Variants in AP4E1 observed in about 807,000 individuals in gnomAD.
AP4E1 encodes AP-4 complex subunit epsilon-1.
A neutral mutation model predicts 128.2 loss-of-function variants in AP4E1; 56 were observed. The ratio of observed to expected loss-of-function variants is 0.44; its 90% CI spans 0.35 to 0.55. The LOEUF is 0.55. AP4E1 is among the 20% of genes least tolerant of loss of function. The pLI is 0.00. For missense variants in AP4E1, 1,324 were observed against 1,307.7 expected, an observed-to-expected ratio of 1.01 and a Z score of -0.19; for synonymous variants, 484 against 473.1, an observed-to-expected ratio of 1.02 and a Z score of -0.30.
chr15:50,945,871 A>T (rs2140853364), intron 10 of AP4E1: 1 of 885,324 alleles, frequency 1.1e-6, no homozygotes, highest in Admixed American at 1.8e-5. Context: ...CTACAGCCAG[A>T]TTCAGGAACA....
chr15:50,911,726 C>T (rs1044516448), intron 1 of AP4E1, among the ~76,000 whole-genome samples: 3 of 152,110 alleles, frequency 2.0e-5, no homozygotes, highest in Non-Finnish European at 4.4e-5. Flanking sequence ...GATTCACTCG[C>T]CTTGGCCTCC....
At chr15:50,988,503 A>G (rs1442342483) in intron 16 of AP4E1, among the ~76,000 whole-genome samples, 2 of 152,010 alleles carry the variant, frequency 1.3e-5, no homozygotes, top group South Asian at 2.1e-4. Context: ...TTTAGTAGAG[A>G]TGGGTTTCAC....
intron 14 of AP4E1, among the ~76,000 whole-genome samples, chr15:50,960,828 A>G (rs2064302889): frequency 6.6e-6 from 1 of 152,034 alleles, no homozygotes; most frequent in South Asian, 2.1e-4. Flanking sequence ...ACAAAAAAAA[A>G]AGAGACAAAA....
chr15:50,938,039 GT>G (rs1263325711), intron 8 of AP4E1, among the ~76,000 whole-genome samples: 1 of 151,872 alleles, frequency 6.6e-6, no homozygotes, highest in African/African-American at 2.4e-5. Context: ...GTACTTTTCC[GT>G]TTTTTTTCTC....
intron 8 of AP4E1, 24 bp downstream of exon 8, chr15:50,934,721 CT>C: frequency 2.8e-6 from 4 of 1,447,452 alleles, no homozygotes; most frequent in African/African-American, 1.4e-5. Context: ...GTAAATATTA[CT>C]CTAATGACTA....
chr15:50,999,808 C>T (rs1015681433), intron 19 of AP4E1, among the ~76,000 whole-genome samples: 22 of 151,456 alleles, frequency 1.5e-4, no homozygotes, highest in Non-Finnish European at 2.9e-5. Context: ...CCCATTAACT[C>T]GTCATTTGGC....
At chr15:50,990,987 C>T (rs1005791148) in intron 16 of AP4E1, among the ~76,000 whole-genome samples, 6 of 152,108 alleles carry the variant, frequency 3.9e-5, no homozygotes, top group Non-Finnish European at 5.9e-5. Flanking sequence ...AATGCATTGC[C>T]GGTGACAACC....
chr15:51,002,004 G>A (rs74425710), intron 20 of AP4E1, among the ~76,000 whole-genome samples: 2,603 of 152,010 alleles, frequency 0.017, 93 homozygotes, highest in African/African-American at 0.06. Flanking sequence ...TCAGCCTCCC[G>A]AGTAGCTAGG....
rs2064343364 is a variant in AP4E1, at chr15:50,963,455, G to T, written c.1851+4661G>T. Among the ~76,000 whole-genome samples the T allele has an allele frequency of 2.6e-5, 4 of 152,144 alleles. No individual in the cohort carries two copies. In the South Asian group the frequency reaches 8.3e-4, roughly 31 times the overall value. On this transcript the variant is annotated intron_variant, in intron 14 of 20. Transcript: ENST00000261842. ...ACATAGATGGGACTTATTTCACTATGAAGTAAAATAAGCATGGCACAGAAA... is the reference window on the plus strand; with the variant it reads ...ACATAGATGGGACTTATTTCACTATTAAGTAAAATAAGCATGGCACAGAAA...
intron 3 of AP4E1, among the ~76,000 whole-genome samples, chr15:50,921,582 T>G (rs1403117295): frequency 6.6e-6 from 1 of 152,016 alleles, no homozygotes; most frequent in Non-Finnish European, 1.5e-5. Context: ...AACTCCTGAC[T>G]TCGAGTGATC....
intron 7 of AP4E1, among the ~76,000 whole-genome samples, chr15:50,932,380 A>G (rs934082984): frequency 6.6e-6 from 1 of 152,112 alleles, no homozygotes; most frequent in African/African-American, 2.4e-5. Context: ...ATTTATTTTC[A>G]TTTGTTCTAT....
At chr15:50,973,842 G>A (rs67889301) in intron 15 of AP4E1, among the ~76,000 whole-genome samples, 31,729 of 151,986 alleles carry the variant, frequency 0.21, 3,869 homozygotes, top group East Asian at 0.45. Context: ...TTGTTTTCAC[G>A]TCTTGGTTAT....
chr15:51,000,120 A>G (rs1242009727), intron 19 of AP4E1, among the ~76,000 whole-genome samples: 3 of 149,050 alleles, frequency 2.0e-5, no homozygotes, highest in African/African-American at 4.9e-5. Flanking sequence ...TTACAATACA[A>G]TGCTCTCGTT....
At position 50,988,149 on chromosome 15, in the gene AP4E1, C is replaced by T. The variant is rs1296336774; in HGVS notation, c.2090+4004C>T. 2.0e-5 allele frequency among the ~76,000 whole-genome samples: 3 copies of T among 152,026 alleles called. No homozygotes were observed. The East Asian group carries it at 5.8e-4, about 29-fold the overall frequency. On this transcript the variant is annotated intron_variant, in intron 16 of 20. Transcript: ENST00000261842. ...CCTGAGGAAGCCATATAGTTGGTCA[C>T]CCAGTGAAGGCCAGATGCCCCTAAA...
chr15:50,930,954 A>G lies in AP4E1; in HGVS notation c.852A>G (p.Leu284=), dbSNP rs114575519. The change falls in exon 7 of 21, where the codon CTA becomes CTG. Residue 284 remains leucine (L), a synonymous_variant. Coordinates refer to ENST00000261842, the MANE Select transcript of AP4E1 (RefSeq NM_007347.5). Reference sequence around the variant, plus strand: ...AGCTCTTGAGAATACTGGGACTTCTAGGAAAAGATGATCAAAGGTAAACTA... The same window carrying G: ...AGCTCTTGAGAATACTGGGACTTCTGGGAAAAGATGATCAAAGGTAAACTA... ...QIQLLRILGL[L]GKDDQRTSEL... 893 of 1,614,128 alleles carry G rather than the reference A, an allele frequency of 5.5e-4. 4 individuals carry two copies. In the African/African-American group the frequency reaches 9.1e-3, roughly 16 times the overall value.
rs754108995 is a variant in AP4E1, at chr15:50,997,488, G to T, written c.2509G>T (p.Asp837Tyr). The T allele has an allele frequency of 1.2e-6, 2 of 1,613,896 alleles. No homozygotes were observed. The highest frequency in any genetic ancestry group is 2.2e-5 in the East Asian group (1 of 44,866). Residue 837 changes from aspartate to tyrosine, a missense_variant, in exon 18 of 21, where the codon GAT becomes TAT. Transcript: ENST00000261842. ...EDDYYSNTLH[D>Y]TGDKELKKFS... ...TGATTATTATTCGAATACTTTGCAC[G>T]ATACAGGAGACAAGGAATTAAAGAA...
At chr15:50,973,192 T>G (rs1183661421) in intron 15 of AP4E1, among the ~76,000 whole-genome samples, 3 of 152,062 alleles carry the variant, frequency 2.0e-5, no homozygotes, top group Admixed American at 6.5e-5. Flanking sequence ...TGCTGAAAGG[T>G]TTTTCTTTTT....
intron 13 of AP4E1, among the ~76,000 whole-genome samples, chr15:50,956,654 A>G (rs1468819499): frequency 1.3e-5 from 2 of 152,110 alleles, no homozygotes; most frequent in Non-Finnish European, 2.9e-5. Context: ...TCTCATGAGA[A>G]CTCACTATCA....
At position 50,945,013 on chromosome 15, in the gene AP4E1, A is replaced by T. The variant is rs539401135; in HGVS notation, c.1177-3007A>T. On this transcript the variant is annotated intron_variant, in intron 10 of 20. Transcript: ENST00000261842. ...GGCTTTGTATAAGGAATACGTACTC[A>T]CTTTTGTGGGACTTCTTTTTTCACC... The T allele has an allele frequency of 5.1e-5, 39 of 771,872 alleles. 1 individual carries two copies. In the South Asian group the frequency reaches 5.2e-4, roughly 10 times the overall value. 47.8% of individuals were successfully genotyped at this position (771,872 alleles called of 1,614,324 possible).
Sources: allele counts gnomAD v4.1 joint callset (sites outside exome capture counted in the v4.1 genomes callset), GRCh38; gene constraint gnomAD v4.1.1; transcripts MANE v1.5; gene names NCBI Gene and HGNC (gene_info 2026-07-23, HGNC 2026-07-21).